The following UNC79 variants were observed in gnomAD, a reference collection of about 807,000 sequenced individuals.
UNC79 encodes the protein unc-79 subunit of NALCN channel complex, also known as protein unc-79 homolog.
A neutral mutation model predicts 283.1 loss-of-function variants in UNC79; 37 were observed. The observed-to-expected ratio is 0.13, with a 90% confidence interval of 0.10 to 0.17. UNC79 has a LOEUF of 0.17. UNC79 is among the 10% of genes least tolerant of loss of function. UNC79 has a pLI of 1.00. For synonymous variants in UNC79, 1,107 were observed against 1,200.2 expected (o/e 0.92, Z 1.61); for missense variants, 2,272 against 3,211.1 (o/e 0.71, Z 7.07).
chr14:93,673,308 A>G, intron 40 of UNC79, 43 bp from the exon 44 acceptor site: 1 of 1,576,702 alleles, frequency 6.3e-7, no homozygotes, highest in Non-Finnish European at 8.7e-7. Flanking sequence ...ACTCTAATTG[A>G]ATTTCTAAAA....
At chr14:93,387,045 C>T (rs1293209146) in intron 1 of UNC79, among the ~76,000 whole-genome samples, 3 of 145,820 alleles carry the variant, frequency 2.1e-5, no homozygotes, top group East Asian at 2.2e-4. Context: ...CAGGTACAAT[C>T]GATTCTCCTG....
At chr14:93,668,954 G>C (rs8017706) in intron 40 of UNC79, among the ~76,000 whole-genome samples, 13,279 of 144,882 alleles carry the variant, frequency 0.092, 1,254 homozygotes, top group African/African-American at 0.24. Flanking sequence ...CTTTCAGCCT[G>C]GGCAACAGAG....
intron 2 of UNC79, among the ~76,000 whole-genome samples, chr14:93,473,707 C>T (rs2057644080): frequency 6.6e-6 from 1 of 152,170 alleles, no homozygotes; most frequent in African/African-American, 2.4e-5. Flanking sequence ...TTTGAAAGCT[C>T]CTTGTAATTA....
At chr14:93,659,066 A>G (rs2071259563) in intron 38 of UNC79, 127 bp from the exon 42 acceptor site, 1 of 643,516 alleles carries the variant, frequency 1.6e-6, no homozygotes, top group East Asian at 2.9e-5. Context: ...TGGCATGGGA[A>G]TCTGTTGAGA....
intron 23 of UNC79, 100 bp from the exon 24 acceptor site, chr14:93,597,259 G>A: frequency 2.3e-6 from 3 of 1,314,428 alleles, no homozygotes; most frequent in Non-Finnish European, 3.2e-6. Context: ...TTAACTTTTT[G>A]TCTGTGAGTT....
chr14:93,349,382 G>A (rs2053936984), intron 1 of UNC79, among the ~76,000 whole-genome samples: 1 of 152,148 alleles, frequency 6.6e-6, no homozygotes, highest in African/African-American at 2.4e-5. Context: ...CACACCTGGG[G>A]CAGTTACAGC....
At chr14:93,604,377 C>A (rs1303773947) in intron 26 of UNC79, among the ~76,000 whole-genome samples, 6 of 152,080 alleles carry the variant, frequency 3.9e-5, no homozygotes, top group African/African-American at 1.4e-4. Context: ...TACATTTTCT[C>A]TATTTTATGA....
intron 14 of UNC79, among the ~76,000 whole-genome samples, chr14:93,545,970 G>A (rs2061579692): frequency 6.6e-6 from 1 of 152,166 alleles, no homozygotes; most frequent in South Asian, 2.1e-4. Context: ...AAATCATAGG[G>A]AGTTGAAGCT....
chr14:93,590,226 C>T (rs117477204), intron 22 of UNC79, among the ~76,000 whole-genome samples: 3 of 152,108 alleles, frequency 2.0e-5, no homozygotes, highest in African/African-American at 4.8e-5. Context: ...TCTGATTGCA[C>T]ATGAATTTTC....
intron 5 of UNC79, among the ~76,000 whole-genome samples, chr14:93,494,165 C>T (rs1343421540): frequency 1.3e-5 from 2 of 151,970 alleles, no homozygotes; most frequent in Non-Finnish European, 2.9e-5. Context: ...CCGCCTCGGC[C>T]TCCCACAGTG....
At chr14:93,676,412 G>T (rs1403551695) in intron 41 of UNC79, among the ~76,000 whole-genome samples, 1 of 152,170 alleles carries the variant, frequency 6.6e-6, no homozygotes, top group South Asian at 2.1e-4. Flanking sequence ...GGAGGAGAGG[G>T]CAGGTGAACA....
At chr14:93,689,066 T>C (rs2074475253) in intron 44 of UNC79, 1 of 473,510 alleles carries the variant, frequency 2.1e-6, no homozygotes, top group African/African-American at 2.0e-5. Context: ...AAAACCTCAA[T>C]TGTCCTTTCA....
At chr14:93,407,292 T>C (rs919449185) in intron 1 of UNC79, among the ~76,000 whole-genome samples, 2 of 152,166 alleles carry the variant, frequency 1.3e-5, no homozygotes, top group African/African-American at 4.8e-5. Flanking sequence ...ACTAGAGAGA[T>C]AGGCAAATAC....
chr14:93,411,282 A>G (rs147898881), intron 1 of UNC79, among the ~76,000 whole-genome samples: 7 of 152,278 alleles, frequency 4.6e-5, no homozygotes, highest in African/African-American at 1.4e-4. Flanking sequence ...CTGCAGTACA[A>G]TAGAACACCA....
At chr14:93,593,109 T>C (rs541489979) in intron 22 of UNC79, among the ~76,000 whole-genome samples, 12 of 152,340 alleles carry the variant, frequency 7.9e-5, no homozygotes, top group South Asian at 6.2e-4. Flanking sequence ...GTTATTCCCA[T>C]GCTTGGGTCA....
rs568557448 is a variant in UNC79, at chr14:93,620,630, A to G, written c.4388-991A>G. ...TGGAAAAGTTTCCCAAAAAGGCGCT[A>G]TTGGACTCTCAAGAAGCCTCTCCTT... On this transcript the variant is annotated intron_variant, in intron 29 of 48. Coordinates refer to ENST00000555664, the Ensembl canonical transcript of UNC79. Among the ~76,000 whole-genome samples, 83 of 152,326 alleles carry G rather than the reference A, an allele frequency of 5.4e-4. No homozygotes were observed. The South Asian group carries it at 1.0e-2, about 18-fold the overall frequency.
intron 22 of UNC79, among the ~76,000 whole-genome samples, chr14:93,589,645 A>G (rs1223825881): frequency 6.6e-6 from 1 of 152,076 alleles, no homozygotes; most frequent in Non-Finnish European, 1.5e-5. Context: ...CCTGTGCATC[A>G]ATGTCATGGG....
At chr14:93,383,011 G>C (rs548294004) in intron 1 of UNC79, among the ~76,000 whole-genome samples, 1 of 152,138 alleles carries the variant, frequency 6.6e-6, no homozygotes, top group Non-Finnish European at 1.5e-5. Flanking sequence ...GAATAAAATG[G>C]CTTATTATCT....
intron 14 of UNC79, among the ~76,000 whole-genome samples, chr14:93,546,693 C>CA (rs1305709563): frequency 6.6e-6 from 1 of 152,072 alleles, no homozygotes; most frequent in Non-Finnish European, 1.5e-5. Context: ...ATGTTCTAAA[C>CA]AAAAAACGAT....
Sources: gnomAD v4.1 joint callset for allele counts (sites outside exome capture counted in the v4.1 genomes callset) on GRCh38, gnomAD v4.1.1 for gene constraint, MANE v1.5 for transcripts, NCBI Gene and HGNC (gene_info 2026-07-23, HGNC 2026-07-21) for gene names.